The following CCDC73 variants were observed in gnomAD, a reference collection of about 807,000 sequenced individuals.
CCDC73 encodes the protein coiled-coil domain-containing protein 73.
Under a neutral mutation model 116.5 loss-of-function variants are expected in CCDC73, and 95 were observed. The observed-to-expected ratio is 0.82, with a 90% CI of 0.69 to 0.97. CCDC73 has a LOEUF of 0.97. Ranked by LOEUF, CCDC73 falls within the 50% of genes least tolerant of loss-of-function variation. The probability of loss-of-function intolerance (pLI) is 0.00; values close to 1 mark genes in which losing one functional copy is unlikely to be tolerated. For synonymous variants in CCDC73, 398 were observed against 401.3 expected (o/e 0.99, Z 0.10); for missense variants, 1,066 against 1,206.8 (o/e 0.88, Z 1.73).
At chr11:32,722,369 A>G (rs573483795) in intron 2 of CCDC73, among the ~76,000 whole-genome samples, 1 of 152,226 alleles carries the variant, frequency 6.6e-6, no homozygotes, top group Non-Finnish European at 1.5e-5. Context: ...TAACTGGGTC[A>G]CATACCCTCT....
intron 9 of CCDC73, among the ~76,000 whole-genome samples, chr11:32,662,969 G>C (rs200769672): frequency 0.049 from 7,402 of 152,106 alleles, 205 homozygotes; most frequent in East Asian, 0.12. Flanking sequence ...TCTTGTTTTT[G>C]TCAGGTTTGT....
At chr11:32,778,367 A>C (rs1850554773) in intron 1 of CCDC73, among the ~76,000 whole-genome samples, 1 of 152,192 alleles carries the variant, frequency 6.6e-6, no homozygotes, top group Non-Finnish European at 1.5e-5. Context: ...ATGTACTGGA[A>C]ATTTAAATCT....
At chr11:32,643,274 GA>G (rs1472802906) in intron 12 of CCDC73, among the ~76,000 whole-genome samples, 1 of 152,044 alleles carries the variant, frequency 6.6e-6, no homozygotes, top group East Asian at 1.9e-4. Context: ...TGCATTTTAA[GA>G]GTACCCAGTG....
chr11:32,763,110 T>C (rs2089693), intron 1 of CCDC73, among the ~76,000 whole-genome samples: 89,180 of 151,560 alleles, frequency 0.59, 26,499 homozygotes, highest in East Asian at 0.84. Flanking sequence ...AAACCCAAAC[T>C]GGGTGGAGCC....
chr11:32,818,101 T>C, the CCDC73 span, among the ~76,000 whole-genome samples: 2 of 152,238 alleles, frequency 1.3e-5, no homozygotes, highest in African/African-American at 4.8e-5. Context: ...TTCTCACCAA[T>C]TGAGGTTTGC....
chr11:32,815,185 T>C, the CCDC73 span, among the ~76,000 whole-genome samples: 2 of 152,210 alleles, frequency 1.3e-5, no homozygotes, highest in South Asian at 2.1e-4. Context: ...TTATAGCATA[T>C]GATTTATATC....
chr11:32,632,602 TTGTGTGTG>T (rs148734503), intron 14 of CCDC73, among the ~76,000 whole-genome samples: 33 of 150,374 alleles, frequency 2.2e-4, no homozygotes, highest in African/African-American at 7.3e-4. Flanking sequence ...TCCTTACAGA[TTGTGTGTG>T]TGTGTGTGTA....
chr11:32,653,512 C>T lies in CCDC73; in HGVS notation c.835-285G>A, dbSNP rs114572243. Among the ~76,000 whole-genome samples the T allele has an allele frequency of 7.1e-3, 1,082 of 152,054 alleles. 16 individuals are homozygous for T. The highest frequency in any genetic ancestry group is 0.025 in the African/African-American group (1,043 of 41,476). Reference sequence around the variant, plus strand: ...TAAAGATTTTTTGGCTTGCCACCTCCCAACAGTAAATATATCACTACTAAA... The same window carrying T: ...TAAAGATTTTTTGGCTTGCCACCTCTCAACAGTAAATATATCACTACTAAA... On this transcript the variant is annotated intron_variant, in intron 11 of 17. Coordinates refer to ENST00000335185, the MANE Select transcript of CCDC73 (RefSeq NM_001008391.4).
At chr11:32,737,084 G>C (rs2133352460) in intron 2 of CCDC73, among the ~76,000 whole-genome samples, 1 of 150,922 alleles carries the variant, frequency 6.6e-6, no homozygotes, top group Admixed American at 6.6e-5. Context: ...CACTTCACCT[G>C]GCTCTTTATT....
chr11:32,714,653 A>G (rs900482759), intron 3 of CCDC73, among the ~76,000 whole-genome samples: 1 of 152,090 alleles, frequency 6.6e-6, no homozygotes, highest in African/African-American at 2.4e-5. Context: ...CCATTCCATC[A>G]AGAAATTTAA....
intron 12 of CCDC73, among the ~76,000 whole-genome samples, chr11:32,643,696 A>T (rs1855752760): frequency 6.6e-6 from 1 of 152,156 alleles, no homozygotes; most frequent in African/African-American, 2.4e-5. Flanking sequence ...TATATAAGGT[A>T]CTTACCATGA....
At chr11:32,731,427 C>T (rs1051188606) in intron 2 of CCDC73, among the ~76,000 whole-genome samples, 4 of 152,134 alleles carry the variant, frequency 2.6e-5, no homozygotes, top group Admixed American at 6.6e-5. Flanking sequence ...AGAGAGTAGT[C>T]GTTCTCCCAG....
chr11:32,753,377 A>AGT (rs2133369473), intron 2 of CCDC73, among the ~76,000 whole-genome samples: 1 of 150,108 alleles, frequency 6.7e-6, no homozygotes, highest in African/African-American at 2.5e-5. Context: ...AGCTCACTGC[A>AGT]GCCTTGACCT....
chr11:32,684,604 A>C (rs1462176355), intron 6 of CCDC73, among the ~76,000 whole-genome samples: 1 of 152,212 alleles, frequency 6.6e-6, no homozygotes, highest in Non-Finnish European at 1.5e-5. Flanking sequence ...TTCTGAAATA[A>C]ACATGCTTGT....
chr11:32,822,227 G>A, the CCDC73 span, among the ~76,000 whole-genome samples: 1,095 of 152,226 alleles, frequency 7.2e-3, 15 homozygotes, highest in African/African-American at 0.025. Flanking sequence ...AGCTTGTTGA[G>A]ACGTTAAAAA....
At chr11:32,780,321 T>C (rs183119970) in intron 1 of CCDC73, among the ~76,000 whole-genome samples, 29 of 151,794 alleles carry the variant, frequency 1.9e-4, no homozygotes, top group African/African-American at 2.4e-4. Flanking sequence ...TATTTACCTA[T>C]AAAATTAGCC....
intron 6 of CCDC73, among the ~76,000 whole-genome samples, chr11:32,686,222 A>AC (rs1565075891): frequency 6.6e-6 from 1 of 150,620 alleles, no homozygotes; most frequent in African/African-American, 2.4e-5. Flanking sequence ...AAAAAAAAAA[A>AC]AAAAAAAAAC....
intron 12 of CCDC73, among the ~76,000 whole-genome samples, chr11:32,648,352 A>G (rs1043941229): frequency 2.0e-5 from 3 of 152,118 alleles, no homozygotes; most frequent in African/African-American, 7.2e-5. Context: ...TTGCAGTTTC[A>G]AAAATATGTA....
chr11:32,608,826 T>C (rs919705651), intron 17 of CCDC73, among the ~76,000 whole-genome samples: 1 of 152,192 alleles, frequency 6.6e-6, no homozygotes, highest in Non-Finnish European at 1.5e-5. Context: ...TCTTGACTTC[T>C]GTGTACTCGC....
Sources: gnomAD v4.1 joint callset for allele counts (sites outside exome capture counted in the v4.1 genomes callset) on GRCh38, gnomAD v4.1.1 for gene constraint, MANE v1.5 for transcripts, NCBI Gene and HGNC (gene_info 2026-07-23, HGNC 2026-07-21) for gene names.